The following FARS2 variants were observed in gnomAD, a reference collection of about 807,000 sequenced individuals.
The protein encoded by FARS2 is phenylalanine--tRNA ligase, mitochondrial.
A neutral mutation model predicts 46.4 loss-of-function variants in FARS2; 40 were observed. The ratio of observed to expected loss-of-function variants is 0.86; its 90% CI spans 0.67 to 1.12. FARS2 has a LOEUF of 1.12. FARS2 is among the 50% of genes most tolerant of loss of function. The probability of loss-of-function intolerance (pLI) is 0.00; values close to 1 mark genes in which losing one functional copy is unlikely to be tolerated. For missense variants in FARS2, 513 were observed against 567.9 expected (o/e 0.90, Z 0.98); for synonymous variants, 234 against 214.9 (o/e 1.09, Z -0.78).
intron 1 of FARS2, among the ~76,000 whole-genome samples, chr6:5,357,915 A>G (rs948005994): frequency 6.6e-6 from 1 of 152,236 alleles, no homozygotes; most frequent in African/African-American, 2.4e-5. Flanking sequence ...ATGCTCCTTT[A>G]CCATTTGTAG....
intron 1 of FARS2, among the ~76,000 whole-genome samples, chr6:5,344,457 C>G (rs1757101086): frequency 6.6e-6 from 1 of 152,152 alleles, no homozygotes; most frequent in Admixed American, 6.5e-5. Context: ...CTGTACCTCC[C>G]TAACCTGCTG....
At chr6:5,490,126 G>A (rs1158750005) in intron 4 of FARS2, among the ~76,000 whole-genome samples, 2 of 152,138 alleles carry the variant, frequency 1.3e-5, no homozygotes, top group Non-Finnish European at 2.9e-5. Context: ...TTTCTAGAAT[G>A]TCATATATAT....
intron 4 of FARS2, among the ~76,000 whole-genome samples, chr6:5,484,487 T>C (rs771239119): frequency 5.3e-5 from 8 of 152,342 alleles, no homozygotes; most frequent in East Asian, 1.9e-4. Flanking sequence ...TGAGTTCCAA[T>C]TGAGTGTAAC....
chr6:5,446,465 A>C (rs1284764238), intron 4 of FARS2, among the ~76,000 whole-genome samples: 2 of 152,136 alleles, frequency 1.3e-5, no homozygotes, highest in African/African-American at 4.8e-5. Flanking sequence ...CAAACTTTTA[A>C]GTATCTGTGT....
rs182174807 is a variant in FARS2, at chr6:5,722,096, C to A, written c.1218-49195C>A. Among the ~76,000 whole-genome samples the A allele has an allele frequency of 5.6e-3, 854 of 151,832 alleles. 11 individuals are homozygous for A. The highest frequency in any genetic ancestry group is 0.02 in the African/African-American group (812 of 41,416). On this transcript the variant is annotated intron_variant, in intron 6 of 6. Transcript: ENST00000274680. The stretch of plus-strand genomic sequence containing the variant: ...GGATGAAACAAATTGTTGTTTTTTT[C>A]CTTGTAAGTGTGAGATGGTAAAAAA...
intron 4 of FARS2, among the ~76,000 whole-genome samples, chr6:5,483,550 C>T (rs897560335): frequency 6.6e-5 from 10 of 152,048 alleles, no homozygotes; most frequent in Non-Finnish European, 1.3e-4. Context: ...ACCTGTAGTC[C>T]CAGCTACTCA....
At chr6:5,416,374 C>T (rs1219402081) in intron 3 of FARS2, among the ~76,000 whole-genome samples, 1 of 152,160 alleles carries the variant, frequency 6.6e-6, no homozygotes, top group African/African-American at 2.4e-5. Flanking sequence ...GTTCCAGCAT[C>T]GTTTGTTGAA....
intron 1 of FARS2, among the ~76,000 whole-genome samples, chr6:5,314,423 T>G (rs770022585): frequency 6.6e-6 from 1 of 152,100 alleles, no homozygotes. Flanking sequence ...GGAGATTGTT[T>G]CCTTGTTTCT....
chr6:5,316,188 C>A, intron 1 of FARS2, among the ~76,000 whole-genome samples: 1 of 152,230 alleles, frequency 6.6e-6, no homozygotes. Context: ...CTTAGGGTGA[C>A]TGGCACTGTA....
intron 4 of FARS2, among the ~76,000 whole-genome samples, chr6:5,515,593 T>C (rs1022890957): frequency 1.3e-5 from 2 of 152,120 alleles, no homozygotes; most frequent in Non-Finnish European, 2.9e-5. Context: ...CACGCCCAAC[T>C]AATTTTTGTA....
intron 5 of FARS2, among the ~76,000 whole-genome samples, chr6:5,591,477 C>T (rs1172186445): frequency 6.6e-6 from 1 of 152,364 alleles, no homozygotes; most frequent in African/African-American, 2.4e-5. Context: ...TCTGCTCTCA[C>T]GAGGTTTGCC....
At chr6:5,558,465 CT>C (rs1771794367) in intron 5 of FARS2, among the ~76,000 whole-genome samples, 1 of 152,088 alleles carries the variant, frequency 6.6e-6, no homozygotes, top group Non-Finnish European at 1.5e-5. Flanking sequence ...ATTATTCTTT[CT>C]ATCATTTGGC....
chr6:5,269,481 C>CAAA (rs766259294), intron 1 of FARS2, among the ~76,000 whole-genome samples: 3 of 135,546 alleles, frequency 2.2e-5, no homozygotes, highest in Non-Finnish European at 3.2e-5. Context: ...TGAAAATAAC[C>CAAA]AAAAAAAAAA....
At chr6:5,563,988 T>A (rs953293333) in intron 5 of FARS2, among the ~76,000 whole-genome samples, 1 of 152,224 alleles carries the variant, frequency 6.6e-6, no homozygotes, top group Admixed American at 6.5e-5. Flanking sequence ...GCATGTTTCA[T>A]TTAAAACTGC....
chr6:5,416,985 CT>C (rs1762277156), intron 3 of FARS2, among the ~76,000 whole-genome samples: 1 of 152,160 alleles, frequency 6.6e-6, no homozygotes, highest in Non-Finnish European at 1.5e-5. Flanking sequence ...AGTTGATCAG[CT>C]TTTAAAGATA....
intron 6 of FARS2, among the ~76,000 whole-genome samples, chr6:5,707,564 G>A (rs996711750): frequency 6.6e-6 from 1 of 152,306 alleles, no homozygotes; most frequent in East Asian, 1.9e-4. Flanking sequence ...GTCTAGTTTA[G>A]GACTCCGGGC....
At chr6:5,347,185 A>T (rs1345525672) in intron 1 of FARS2, among the ~76,000 whole-genome samples, 1 of 152,150 alleles carries the variant, frequency 6.6e-6, no homozygotes, top group East Asian at 1.9e-4. Context: ...AAGTGTGGGG[A>T]TTACAGGCGT....
intron 4 of FARS2, among the ~76,000 whole-genome samples, chr6:5,503,403 CACAGAGAGAG>C (rs369359683): frequency 0.16 from 11,845 of 73,914 alleles, 583 homozygotes; most frequent in Non-Finnish European, 0.21. Flanking sequence ...CACACACACA[CACAGAGAGAG>C]AGAGAGAGAG....
intron 6 of FARS2, among the ~76,000 whole-genome samples, chr6:5,762,576 G>T (rs1302291726): frequency 4.9e-4 from 75 of 152,222 alleles, no homozygotes; most frequent in Non-Finnish European, 2.2e-4. Flanking sequence ...AAACATCCCT[G>T]AGGACTTGGC....
Sources: gnomAD v4.1 joint callset for allele counts (sites outside exome capture counted in the v4.1 genomes callset) on GRCh38, gnomAD v4.1.1 for gene constraint, MANE v1.5 for transcripts, NCBI Gene and HGNC (gene_info 2026-07-23, HGNC 2026-07-21) for gene names.